The following PTH2R variants were observed in gnomAD, a reference collection of about 807,000 sequenced individuals.
The protein encoded by PTH2R is PTH2 receptor.
Under a neutral mutation model 60.3 loss-of-function variants are expected in PTH2R, and 59 were observed. The ratio of observed to expected loss-of-function variants is 0.98; its 90% CI spans 0.79 to 1.22. PTH2R has a LOEUF of 1.22. Among genes scored for constraint, PTH2R ranks in the 50% most tolerant of loss-of-function variants. The probability of loss-of-function intolerance (pLI) is 0.00; values close to 1 mark genes in which losing one functional copy is unlikely to be tolerated. For synonymous variants in PTH2R, 256 were observed against 243.8 expected, an observed-to-expected ratio of 1.05 and a Z score of -0.47; for missense variants, 749 against 682.6, an observed-to-expected ratio of 1.10 and a Z score of -1.08.
At chr2:208,429,704 T>A (rs1274098797) in intron 2 of PTH2R, among the ~76,000 whole-genome samples, 2 of 152,172 alleles carry the variant, frequency 1.3e-5, no homozygotes, top group Admixed American at 6.5e-5. Flanking sequence ...ATTCGCATTG[T>A]TGTGCAATCA....
chr2:208,410,868 C>T (rs575164268), intron 1 of PTH2R, among the ~76,000 whole-genome samples: 1 of 152,128 alleles, frequency 6.6e-6, no homozygotes, highest in East Asian at 1.9e-4. Flanking sequence ...TCAAGTAGGC[C>T]TGCACTCTGC....
chr2:208,388,341 A>C (rs909325002), intron 1 of PTH2R, among the ~76,000 whole-genome samples: 33 of 152,006 alleles, frequency 2.2e-4, no homozygotes, highest in East Asian at 1.5e-3. Context: ...ACAAAAAAAA[A>C]CTTCACGCTT....
chr2:208,417,259 A>G (rs1008248016), intron 1 of PTH2R, among the ~76,000 whole-genome samples: 12 of 152,176 alleles, frequency 7.9e-5, no homozygotes, highest in African/African-American at 2.4e-4. Flanking sequence ...TCCATTTTAC[A>G]TACATTGTAA....
At chr2:208,395,017 C>A (rs929120830) in intron 1 of PTH2R, among the ~76,000 whole-genome samples, 2 of 151,862 alleles carry the variant, frequency 1.3e-5, no homozygotes, top group African/African-American at 4.8e-5. Flanking sequence ...TTCCCTGTTC[C>A]CAGAAGAGGC....
At chr2:208,390,135 G>A (rs1192080956) in intron 1 of PTH2R, among the ~76,000 whole-genome samples, 1 of 152,172 alleles carries the variant, frequency 6.6e-6, no homozygotes, top group Admixed American at 6.5e-5. Context: ...TTTTTGAACT[G>A]TCAGCAATTA....
chr2:208,380,863 G>C (rs1433121318), intron 1 of PTH2R, among the ~76,000 whole-genome samples: 1 of 152,076 alleles, frequency 6.6e-6, no homozygotes, highest in East Asian at 1.9e-4. Context: ...GTGACATGCT[G>C]ACCTCCATCT....
chr2:208,419,157 T>A (rs1701701278), intron 1 of PTH2R, among the ~76,000 whole-genome samples: 1 of 152,220 alleles, frequency 6.6e-6, no homozygotes, highest in African/African-American at 2.4e-5. Context: ...GGTGTTCCTA[T>A]TTCTCCACAT....
intron 9 of PTH2R, among the ~76,000 whole-genome samples, chr2:208,473,461 A>G (rs772681485): frequency 1.6e-4 from 25 of 152,216 alleles, no homozygotes; most frequent in Non-Finnish European, 2.1e-4. Flanking sequence ...TATTTGGAGA[A>G]CACTGGACTG....
At chr2:208,366,831 A>G (rs1173406874) in intron 1 of PTH2R, among the ~76,000 whole-genome samples, 1 of 152,240 alleles carries the variant, frequency 6.6e-6, no homozygotes, top group Non-Finnish European at 1.5e-5. Context: ...GAATATAACC[A>G]GACCGTAGCT....
At chr2:208,386,275 G>A (rs1700999988) in intron 1 of PTH2R, among the ~76,000 whole-genome samples, 1 of 152,166 alleles carries the variant, frequency 6.6e-6, no homozygotes, top group Non-Finnish European at 1.5e-5. Flanking sequence ...TGTTTGTGCT[G>A]TGATGGATGG....
intron 1 of PTH2R, among the ~76,000 whole-genome samples, chr2:208,409,323 A>G (rs1007367848): frequency 1.3e-5 from 2 of 152,154 alleles, no homozygotes; most frequent in African/African-American, 2.4e-5. Flanking sequence ...TTGGTTTATT[A>G]CTTTTAGGTT....
chr2:208,437,911 T>C, intron 4 of PTH2R, 30 bp downstream of exon 4: 1 of 1,597,832 alleles, frequency 6.3e-7, no homozygotes, highest in Non-Finnish European at 8.6e-7. Context: ...TGTGAATTCC[T>C]AAGGGAAAGC....
At chr2:208,479,568 G>A (rs1452332402) in intron 9 of PTH2R, among the ~76,000 whole-genome samples, 1 of 152,202 alleles carries the variant, frequency 6.6e-6, no homozygotes, top group Non-Finnish European at 1.5e-5. Flanking sequence ...GCACTCACGT[G>A]CTTCTTTCTC....
At chr2:208,474,022 A>G (rs1210787461) in intron 9 of PTH2R, among the ~76,000 whole-genome samples, 1 of 152,184 alleles carries the variant, frequency 6.6e-6, no homozygotes, top group Non-Finnish European at 1.5e-5. Context: ...GGTCATTAGC[A>G]GAGGAGGTGC....
chr2:208,436,482 A>G (rs989045040), intron 2 of PTH2R, among the ~76,000 whole-genome samples: 1 of 152,168 alleles, frequency 6.6e-6, no homozygotes, highest in Non-Finnish European at 1.5e-5. Flanking sequence ...GAGGCAGAAT[A>G]CCCAGCACAT....
chr2:208,392,622 A>G (rs1701126766), intron 1 of PTH2R, among the ~76,000 whole-genome samples: 1 of 152,166 alleles, frequency 6.6e-6, no homozygotes, highest in Non-Finnish European at 1.5e-5. Flanking sequence ...AGAAAGGCAT[A>G]TGTAAATAGT....
chr2:208,408,740 A>AGAGAAAGAGAGAGAGAGAGAGAGAGAG (rs1553542827), intron 1 of PTH2R, among the ~76,000 whole-genome samples: 11 of 123,308 alleles, frequency 8.9e-5, no homozygotes, highest in South Asian at 2.6e-4. Context: ...GAGAGAGAGA[A>AGAGAAAGAGAGAGAGAGAGAGAGAGAG]AGAGAGAGAG....
At position 208,488,013 on chromosome 2, in the gene PTH2R, G is replaced by A. The variant is rs116735069; in HGVS notation, c.1077-999G>A. Among the ~76,000 whole-genome samples the A allele has an allele frequency of 5.5e-3, 843 of 152,304 alleles. 2 individuals carry two copies. Among genetic ancestry groups the A allele is most frequent in the Non-Finnish European group, 0.01 (692 of 68,024 alleles). On this transcript the variant is annotated intron_variant, in intron 10 of 12. Coordinates refer to ENST00000272847, the MANE Select transcript of PTH2R (RefSeq NM_005048.4). The stretch of plus-strand genomic sequence containing the variant: ...CCCAGGTCTTGCCTACACTTAGAGG[G>A]AAAGGATAAAACAGGGGCAAAAATA...
intron 11 of PTH2R, among the ~76,000 whole-genome samples, chr2:208,489,739 A>G (rs1703360382): frequency 6.6e-6 from 1 of 152,200 alleles, no homozygotes; most frequent in African/African-American, 2.4e-5. Context: ...ACTAAAACTC[A>G]CATACCATTG....
Sources: allele counts gnomAD v4.1 joint callset (sites outside exome capture counted in the v4.1 genomes callset), GRCh38; gene constraint gnomAD v4.1.1; transcripts MANE v1.5; gene names NCBI Gene and HGNC (gene_info 2026-07-23, HGNC 2026-07-21).